The following SHPRH variants were observed in gnomAD, a reference collection of about 807,000 sequenced individuals.
SHPRH encodes E3 ubiquitin-protein ligase SHPRH.
A neutral mutation model predicts 202.5 loss-of-function variants in SHPRH; 106 were observed. The ratio of observed to expected loss-of-function variants is 0.52; its 90% CI spans 0.45 to 0.62. SHPRH has a LOEUF of 0.62. Among genes scored for constraint, SHPRH ranks in the 20% least tolerant of loss-of-function variants. SHPRH has a pLI of 0.00. For synonymous variants in SHPRH, 729 were observed against 686.0 expected (o/e 1.06, Z -0.98); for missense variants, 1,710 against 2,020.0 (o/e 0.85, Z 2.94).
chr6:145,872,270 G>A (rs565784217), intron 2 of SHPRH, among the ~76,000 whole-genome samples: 64 of 152,124 alleles, frequency 4.2e-4, no homozygotes, highest in African/African-American at 1.2e-3. Context: ...CCTACAGAAC[G>A]GGCGAAAATT....
At chr6:145,955,396 ATT>A (rs1229379679) in intron 1 of SHPRH, 42 bp from the exon 2 acceptor site, 1 of 1,500,866 alleles carries the variant, frequency 6.7e-7, no homozygotes, top group Non-Finnish European at 8.9e-7. Context: ...ACAAGAGATG[ATT>A]TAGTATTTAA....
intron 3 of SHPRH, among the ~76,000 whole-genome samples, chr6:145,951,308 AG>A (rs1488112078): frequency 4.6e-5 from 7 of 152,134 alleles, no homozygotes; most frequent in Non-Finnish European, 1.0e-4. Context: ...TTGCTTTGAA[AG>A]AGGCCTATAT....
At position 145,910,469 on chromosome 6, in the gene SHPRH, C is replaced by T. The variant is rs1783396951; in HGVS notation, c.4494G>A (p.Gln1498=). 5 of 1,612,974 alleles carry T rather than the reference C, an allele frequency of 3.1e-6. No homozygotes were observed. In the African/African-American group the frequency reaches 6.7e-5, roughly 22 times the overall value. The change falls in exon 25 of 30, where the codon CAG becomes CAA. Residue 1498 remains glutamine, a synonymous_variant. Transcript: ENST00000275233. ...SYVFTSEKAN[Q]EEDIPVKGSH... Reference sequence around the variant, plus strand: ...TTACCTTCACAGGGATGTCCTCCTCCTGGTTTGCTTTCTCTGAGGTAAAGA... The same window carrying T: ...TTACCTTCACAGGGATGTCCTCCTCTTGGTTTGCTTTCTCTGAGGTAAAGA...
Position 145,945,653 on chromosome 6 carries a change from T to C in SHPRH, c.1322-16A>G, listed in dbSNP as rs186606860. The C allele has an allele frequency of 8.2e-6, 13 of 1,586,454 alleles. No individual in the cohort carries two copies. In the Admixed American group the frequency reaches 2.4e-4, roughly 29 times the overall value. The stretch of plus-strand genomic sequence containing the variant: ...ACACGTGTAGCTAAATGTAAAAGGA[T>C]ATGCTAAATCAGTCAAAATAATTAA... On this transcript the variant is annotated splice_polypyrimidine_tract_variant and intron_variant, in intron 7 of 29. Transcript: ENST00000275233.
At chr6:145,867,643 G>T (rs1429084574) in intron 2 of SHPRH, among the ~76,000 whole-genome samples, 372 of 115,666 alleles carry the variant, frequency 3.2e-3, no homozygotes, top group African/African-American at 8.3e-3. Flanking sequence ...GAGAGAGAGA[G>T]AGAGAGAGAG....
intron 25 of SHPRH, chr6:145,904,185 T>C (rs1782746201): frequency 1.3e-5 from 2 of 152,212 alleles, no homozygotes; most frequent in Admixed American, 1.3e-4. Flanking sequence ...AAGCATTCTG[T>C]ACGATATATG....
chr6:145,950,519 A>G, intron 3 of SHPRH, 37 bp from the exon 4 acceptor site: 1 of 1,574,958 alleles, frequency 6.3e-7, no homozygotes, highest in Non-Finnish European at 8.7e-7. Context: ...AAAAACTGAT[A>G]GGTTTTTTCT....
chr6:145,958,346 A>G (rs1788721189), intron 1 of SHPRH, among the ~76,000 whole-genome samples: 1 of 152,240 alleles, frequency 6.6e-6, no homozygotes, highest in Non-Finnish European at 1.5e-5. Flanking sequence ...AAGATGCACG[A>G]GATTTAGAAA....
At chr6:145,943,920 C>T in intron 8 of SHPRH, 118 bp from the exon 9 acceptor site, 1 of 971,342 alleles carries the variant, frequency 1.0e-6, no homozygotes. Context: ...CTACCCTTTT[C>T]CCTGAGGAGA....
intron 2 of SHPRH, among the ~76,000 whole-genome samples, chr6:145,867,631 T>TATATATAGAGAGAGAGAGAGAG (rs1554220329): frequency 1.3e-4 from 3 of 22,316 alleles, no homozygotes; most frequent in African/African-American, 2.2e-4. Context: ...TATATATATA[T>TATATATAGAGAGAGAGAGAGAG]AGAGAGAGAG....
chr6:145,940,771 T>C lies in SHPRH; in HGVS notation c.2521A>G (p.Ile841Val). The C allele has an allele frequency of 1.2e-6, 2 of 1,613,688 alleles. No individual in the cohort carries two copies. Among genetic ancestry groups the C allele is most frequent in the Non-Finnish European group, 1.7e-6 (2 of 1,179,818 alleles). The part of the protein sequence containing the change: ...AAEMAQRLSG[I>V]NRWCISGTPV... ...GTGCCACTGATACACCATCGATTAATCCCACTCAAACGCTGGGCCATTTCT... is the reference window on the plus strand; with the variant it reads ...GTGCCACTGATACACCATCGATTAACCCCACTCAAACGCTGGGCCATTTCT... The change falls in exon 11 of 30, where the codon ATT becomes GTT. Residue 841 changes from isoleucine to valine, a missense_variant. By Grantham distance (29) the Ile-to-Val change is conservative (BLOSUM62 3). Around this residue, in one of 8 missense-constraint regions of SHPRH, gnomAD observed 277 missense variants for 363.0 expected, o/e 0.76. Coordinates refer to ENST00000275233, the MANE Select transcript of SHPRH (RefSeq NM_001042683.3).
intron 5 of SHPRH, 91 bp downstream of exon 5, chr6:145,948,181 G>C: frequency 1.1e-6 from 1 of 878,486 alleles, no homozygotes; most frequent in Non-Finnish European, 1.7e-6. Flanking sequence ...TCATGAGGTA[G>C]AGTCAAAGTT....
chr6:145,861,478 T>C (rs1779578811), downstream of SHPRH, among the ~76,000 whole-genome samples: 1 of 149,986 alleles, frequency 6.7e-6, no homozygotes, highest in Non-Finnish European at 1.5e-5. Flanking sequence ...AGAAAAGGAA[T>C]TCTGTACACT....
intron 29 of SHPRH, among the ~76,000 whole-genome samples, 194 bp from the exon 30 acceptor site, chr6:145,886,981 T>C (rs1781077840): frequency 6.6e-6 from 1 of 152,216 alleles, no homozygotes; most frequent in African/African-American, 2.4e-5. Flanking sequence ...ATATTACTTT[T>C]AGTGTTTGTC....
chr6:145,891,396 G>C (rs1781552995), intron 28 of SHPRH, among the ~76,000 whole-genome samples: 1 of 152,022 alleles, frequency 6.6e-6, no homozygotes, highest in Non-Finnish European at 1.5e-5. Flanking sequence ...TTCTCAATAA[G>C]GCCTTGCATG....
chr6:145,891,468 C>T (rs1363199843), intron 28 of SHPRH, among the ~76,000 whole-genome samples: 2 of 152,170 alleles, frequency 1.3e-5, no homozygotes, highest in Non-Finnish European at 2.9e-5. Flanking sequence ...CAGCTCCTAA[C>T]ATAGTCCAGA....
At chr6:145,939,313 A>G (rs543992211) in intron 11 of SHPRH, among the ~76,000 whole-genome samples, 28 of 152,210 alleles carry the variant, frequency 1.8e-4, no homozygotes, top group Non-Finnish European at 3.5e-4. Context: ...ACATATATTC[A>G]TGGCTACAAA....
chr6:145,962,782 C>G (rs1228470263), intron 1 of SHPRH, among the ~76,000 whole-genome samples: 2 of 152,166 alleles, frequency 1.3e-5, no homozygotes, highest in Admixed American at 1.3e-4. Flanking sequence ...GAAGCCCACT[C>G]ATTACTAAGT....
chr6:145,859,774 T>C (rs1562263926), downstream of SHPRH, among the ~76,000 whole-genome samples: 1 of 152,018 alleles, frequency 6.6e-6, no homozygotes. Flanking sequence ...GGGCTGTAGA[T>C]ACCATAATGA....
Sources: allele counts gnomAD v4.1 joint callset (sites outside exome capture counted in the v4.1 genomes callset), GRCh38; gene constraint gnomAD v4.1.1; regional missense constraint gnomAD v4.1.1; transcripts MANE v1.5; gene names NCBI Gene and HGNC (gene_info 2026-07-23, HGNC 2026-07-21).